The following SP4 variants were observed in gnomAD, a reference collection of about 807,000 sequenced individuals.
The protein encoded by SP4 is transcription factor Sp4.
In SP4, 19 loss-of-function variants were observed where a neutral mutation model predicts 72.8. The observed-to-expected ratio is 0.26, with a 90% CI of 0.18 to 0.38. The LOEUF is 0.38. Ranked by LOEUF, SP4 falls within the 10% of genes least tolerant of loss-of-function variation. The pLI is 1.00. For synonymous variants in SP4, 395 were observed against 333.1 expected (o/e 1.19, Z -2.02); for missense variants, 1,008 against 926.3 (o/e 1.09, Z -1.14).
At chr7:21,435,443 A>G (rs1396566039) in intron 3 of SP4, among the ~76,000 whole-genome samples, 1 of 152,086 alleles carries the variant, frequency 6.6e-6, no homozygotes, top group Non-Finnish European at 1.5e-5. Flanking sequence ...TTAAAACTGA[A>G]TTCAATCCAG....
chr7:21,485,949 T>C (rs1784802249), intron 5 of SP4, among the ~76,000 whole-genome samples: 1 of 151,970 alleles, frequency 6.6e-6, no homozygotes, highest in Non-Finnish European at 1.5e-5. Flanking sequence ...CGTGTTTTCA[T>C]TTTTCTTGGT....
intron 3 of SP4, among the ~76,000 whole-genome samples, chr7:21,449,447 A>C (rs1783523336): frequency 6.6e-6 from 1 of 152,128 alleles, no homozygotes; most frequent in Admixed American, 6.5e-5. Context: ...AAAGAATCTT[A>C]TTATTAAGAA....
At chr7:21,450,660 A>G (rs1583395023) in intron 3 of SP4, among the ~76,000 whole-genome samples, 1 of 152,234 alleles carries the variant, frequency 6.6e-6, no homozygotes, top group Non-Finnish European at 1.5e-5. Flanking sequence ...TAATAATGCA[A>G]GTGCTTAAAC....
chr7:21,438,233 T>G (rs1388863793), intron 3 of SP4, among the ~76,000 whole-genome samples: 1 of 152,184 alleles, frequency 6.6e-6, no homozygotes, highest in African/African-American at 2.4e-5. Context: ...ACTCTGAGTC[T>G]TCTTCTAATT....
intron 3 of SP4, among the ~76,000 whole-genome samples, chr7:21,476,473 T>C (rs1193179830): frequency 6.6e-6 from 1 of 152,140 alleles, no homozygotes; most frequent in Non-Finnish European, 1.5e-5. Flanking sequence ...ATATCTTAAA[T>C]GTCTTTTTAT....
chr7:21,500,682 T>C lies in SP4; in HGVS notation c.2108-10340T>C, dbSNP rs901757481. Among the ~76,000 whole-genome samples the C allele has an allele frequency of 5.9e-5, 9 of 152,324 alleles. No homozygotes were observed. The South Asian group carries it at 1.2e-3, about 21-fold the overall frequency. ...CCCACACTCCTTCTCATACTGTCCA[T>C]GTGGCCCCCTCCAGCAACAGCAGGG... is the stretch of plus-strand genomic sequence containing the variant. On this transcript the variant is annotated intron_variant, in intron 5 of 5. Coordinates refer to ENST00000222584, the MANE Select transcript of SP4 (RefSeq NM_003112.5).
At chr7:21,502,829 G>C (rs1781904215) in intron 5 of SP4, among the ~76,000 whole-genome samples, 1 of 152,142 alleles carries the variant, frequency 6.6e-6, no homozygotes, top group African/African-American at 2.4e-5. Flanking sequence ...TCGCCCTACA[G>C]GGTCTTTCCC....
chr7:21,454,327 C>T lies in SP4; in HGVS notation c.1679-22752C>T, dbSNP rs78404323. 3.1e-3 allele frequency among the ~76,000 whole-genome samples: 471 copies of T among 150,022 alleles called. 4 individuals carry two copies. Among genetic ancestry groups the T allele is most frequent in the East Asian group, 0.025 (128 of 5,052 alleles). ...CTTAATAACCTTTACAATTATATAA[C>T]ATTTCTTTATAAATTCCCTTTTACT... On this transcript the variant is annotated intron_variant, in intron 3 of 5. Coordinates refer to ENST00000222584, the MANE Select transcript of SP4 (RefSeq NM_003112.5).
intron 3 of SP4, among the ~76,000 whole-genome samples, chr7:21,450,284 T>C (rs1783549031): frequency 6.6e-6 from 1 of 152,218 alleles, no homozygotes; most frequent in South Asian, 2.1e-4. Flanking sequence ...AATTGCTGAC[T>C]AGGGATATCA....
At chr7:21,463,741 A>G (rs1583410823) in intron 3 of SP4, among the ~76,000 whole-genome samples, 1 of 152,366 alleles carries the variant, frequency 6.6e-6, no homozygotes, top group African/African-American at 2.4e-5. Flanking sequence ...TGTAGGAGAC[A>G]TCTGAATGTA....
intron 3 of SP4, among the ~76,000 whole-genome samples, chr7:21,435,521 TA>T (rs1783021284): frequency 6.6e-6 from 1 of 152,238 alleles, no homozygotes; most frequent in Non-Finnish European, 1.5e-5. Context: ...GCTTGAGGTT[TA>T]ATGCAAATAT....
rs77041788 is a variant in SP4, at chr7:21,511,583, C to G, written c.*314C>G. On this transcript the variant is annotated 3_prime_UTR_variant, in exon 6 of 6. Transcript: ENST00000222584. The stretch of plus-strand genomic sequence containing the variant: ...CATGTGTTAACATGTTTAAAAAGAC[C>G]TTAGTAGTTTGCAGGCTGGACCTTA... 5.8e-3 allele frequency: 1,348 copies of G among 231,990 alleles called. 17 individuals carry two copies. The highest frequency in any genetic ancestry group is 0.027 in the African/African-American group (1,197 of 44,568). 14.4% of individuals were successfully genotyped at this position (231,990 alleles called of 1,614,324 possible). A position where few individuals can be genotyped will look rare whatever the true frequency, so the allele number is the denominator to read the frequency against.
In SP4 at chr7:21,499,981, C is replaced by G. The variant is rs545511087; in HGVS notation, c.2108-11041C>G. Among the ~76,000 whole-genome samples, 7 of 152,248 alleles carry G rather than the reference C, an allele frequency of 4.6e-5. No homozygotes were observed. The East Asian group carries it at 1.3e-3, about 29-fold the overall frequency. ...TCCAATCTATCATTCCATTTGAAAT[C>G]TCAGCAAATTTTTTCCAAGGGAAAT... On this transcript the variant is annotated intron_variant, in intron 5 of 5. Transcript: ENST00000222584.
At chr7:21,488,055 AT>A (rs779821779) in intron 5 of SP4, among the ~76,000 whole-genome samples, 11 of 151,692 alleles carry the variant, frequency 7.3e-5, no homozygotes, top group Non-Finnish European at 1.3e-4. Context: ...GCAGAGACAG[AT>A]TTTTCTCAGT....
chr7:21,506,238 T>G (rs1309088626), intron 5 of SP4, among the ~76,000 whole-genome samples: 1 of 152,154 alleles, frequency 6.6e-6, no homozygotes, highest in Non-Finnish European at 1.5e-5. Flanking sequence ...GTTGGTGAAT[T>G]AGGGAGGAGT....
intron 3 of SP4, among the ~76,000 whole-genome samples, chr7:21,458,702 G>T (rs946886727): frequency 2.0e-5 from 3 of 152,122 alleles, no homozygotes; most frequent in Non-Finnish European, 4.4e-5. Context: ...GAGGTGAAAA[G>T]CTGAATTCCC....
chr7:21,509,537 G>T (rs1382198933), intron 5 of SP4, among the ~76,000 whole-genome samples: 5 of 151,666 alleles, frequency 3.3e-5, no homozygotes, highest in African/African-American at 4.8e-5. Flanking sequence ...TGACATGGAG[G>T]TGCATCTTCT....
chr7:21,440,851 A>AAAC (rs779338567), intron 3 of SP4, among the ~76,000 whole-genome samples: 3,133 of 138,590 alleles, frequency 0.023, 54 homozygotes, highest in South Asian at 0.032. Flanking sequence ...CCCTGTCTCA[A>AAAC]AACAACAACA....
At chr7:21,508,033 G>T (rs754176997) in intron 5 of SP4, among the ~76,000 whole-genome samples, 1 of 151,870 alleles carries the variant, frequency 6.6e-6, no homozygotes, top group Non-Finnish European at 1.5e-5. Flanking sequence ...GCACGAGGTT[G>T]CCTGGTTGCT....
Sources: gnomAD v4.1 joint callset for allele counts (sites outside exome capture counted in the v4.1 genomes callset) on GRCh38, gnomAD v4.1.1 for gene constraint, MANE v1.5 for transcripts, NCBI Gene and HGNC (gene_info 2026-07-23, HGNC 2026-07-21) for gene names.